NDUFB3: variants seen among roughly 807,000 people sequenced by gnomAD.
NDUFB3 encodes NADH dehydrogenase [ubiquinone] 1 beta subcomplex subunit 3.
A neutral mutation model predicts 9.0 loss-of-function variants in NDUFB3; 7 were observed. The ratio of observed to expected loss-of-function variants is 0.78; its 90% CI spans 0.44 to 1.46. The LOEUF is 1.46. Among genes scored for constraint, NDUFB3 ranks in the 40% most tolerant of loss-of-function variants. The pLI is 0.01. For synonymous variants in NDUFB3, 29 were observed against 38.5 expected (o/e 0.75, Z 0.91); for missense variants, 93 against 115.4 (o/e 0.81, Z 0.89).
intron 2 of NDUFB3, among the ~76,000 whole-genome samples, chr2:201,083,351 C>CTTTTTTTTTTTTTT (rs748310803): frequency 1.3e-4 from 16 of 119,956 alleles, no homozygotes; most frequent in Non-Finnish European, 1.9e-4. Context: ...TTTATTATTT[C>CTTTTTTTTTTTTTT]TTTTTTTTTT....
At chr2:201,075,917 T>C (rs1405900775) in intron 1 of NDUFB3, among the ~76,000 whole-genome samples, 1 of 152,210 alleles carries the variant, frequency 6.6e-6, no homozygotes, top group Non-Finnish European at 1.5e-5. Flanking sequence ...AAATAAGGGT[T>C]TGTCTTGTTT....
chr2:201,085,308 C>T, intron 2 of NDUFB3, 151 bp from the exon 3 acceptor site: 2 of 533,660 alleles, frequency 3.7e-6, no homozygotes, highest in East Asian at 3.0e-5. Context: ...CTTAATTATC[C>T]TATGCCACAG....
At chr2:201,084,749 C>G (rs2047270388) in intron 2 of NDUFB3, among the ~76,000 whole-genome samples, 1 of 152,180 alleles carries the variant, frequency 6.6e-6, no homozygotes. Flanking sequence ...ATTTAATTAG[C>G]TCTCGTATTT....
At chr2:201,081,281 C>T (rs919012932) in intron 2 of NDUFB3, among the ~76,000 whole-genome samples, 3 of 151,568 alleles carry the variant, frequency 2.0e-5, no homozygotes, top group Non-Finnish European at 2.9e-5. Context: ...GTCAGGTGTT[C>T]GAGACCAGCC....
At chr2:201,075,081 C>A (rs772131243) in intron 1 of NDUFB3, among the ~76,000 whole-genome samples, 1 of 150,280 alleles carries the variant, frequency 6.7e-6, no homozygotes, top group African/African-American at 2.5e-5. Flanking sequence ...TGCCATGGCT[C>A]ACGCCTGTAG....
At chr2:201,073,256 T>C (rs2047116144) in intron 1 of NDUFB3, among the ~76,000 whole-genome samples, 1 of 152,228 alleles carries the variant, frequency 6.6e-6, no homozygotes, top group Non-Finnish European at 1.5e-5. Context: ...TTTCAATCTA[T>C]ATAAATGGGT....
At chr2:201,084,364 G>A (rs2047265609) in intron 2 of NDUFB3, among the ~76,000 whole-genome samples, 1 of 152,124 alleles carries the variant, frequency 6.6e-6, no homozygotes, top group Non-Finnish European at 1.5e-5. Flanking sequence ...AGGAGGCTGA[G>A]GCAGAGAATT....
chr2:201,075,460 G>A (rs1049900405), intron 1 of NDUFB3, among the ~76,000 whole-genome samples: 2 of 151,288 alleles, frequency 1.3e-5, no homozygotes, highest in Admixed American at 1.3e-4. Context: ...CAGCTACTCG[G>A]GAGGCTGAGG....
chr2:201,082,555 G>A (rs1424343715), intron 2 of NDUFB3, among the ~76,000 whole-genome samples: 1 of 152,048 alleles, frequency 6.6e-6, no homozygotes, highest in Non-Finnish European at 1.5e-5. Flanking sequence ...CTGAGCTACA[G>A]CACCCAGCTT....
chr2:201,082,986 T>C (rs2047246314), intron 2 of NDUFB3, among the ~76,000 whole-genome samples: 2 of 152,172 alleles, frequency 1.3e-5, no homozygotes, highest in South Asian at 2.1e-4. Flanking sequence ...GTGCTGGGAT[T>C]ACAGGCGTGA....
Position 201,085,509 on chromosome 2 carries a change from C to G in NDUFB3, c.191C>G (p.Ser64Cys). ...MGGFAKSVSF[S>C]DVFFKGFKWG... ...GGCTTTGCAAAGAGTGTTTCCTTTT[C>G]TGATGTATTCTTTAAAGGATTCAAA... The change falls in exon 3 of 3, where the codon TCT becomes TGT. Residue 64 changes from serine (S) to cysteine (C), a missense_variant. Transcript: ENST00000237889. 6.2e-7 allele frequency: 1 copy of G among 1,608,390 alleles called. No homozygotes were observed. Among genetic ancestry groups the G allele is most frequent in the South Asian group, 1.1e-5 (1 of 90,504 alleles).
At chr2:201,081,794 G>A (rs1283737815) in intron 2 of NDUFB3, among the ~76,000 whole-genome samples, 2 of 149,014 alleles carry the variant, frequency 1.3e-5, no homozygotes, top group East Asian at 4.0e-4. Flanking sequence ...GATTACAGAC[G>A]TGCACCACCA....
chr2:201,075,975 A>G (rs1240408274), intron 1 of NDUFB3, among the ~76,000 whole-genome samples: 1 of 152,168 alleles, frequency 6.6e-6, no homozygotes, highest in South Asian at 2.1e-4. Context: ...TTTTTTGAAA[A>G]CATGGTATGC....
chr2:201,082,960 G>A (rs909855559), intron 2 of NDUFB3, among the ~76,000 whole-genome samples: 3 of 151,526 alleles, frequency 2.0e-5, no homozygotes, highest in African/African-American at 4.8e-5. Context: ...TGATCCACCC[G>A]CCTCGGCCTC....
intron 2 of NDUFB3, chr2:201,080,031 T>A (rs1269627791): frequency 2.0e-5 from 3 of 152,164 alleles, no homozygotes; most frequent in Non-Finnish European, 2.9e-5. Flanking sequence ...ATTTAGCAAT[T>A]TTTAAATTTT....
intron 1 of NDUFB3, among the ~76,000 whole-genome samples, chr2:201,077,409 G>A (rs2047175367): frequency 6.6e-6 from 1 of 151,992 alleles, no homozygotes; most frequent in South Asian, 2.1e-4. Flanking sequence ...TAAAACCAAA[G>A]TATTTATATA....
rs530268364 is a variant in NDUFB3 at position 201,076,098 on chromosome 2, C to T, written c.-2-2783C>T. Among the ~76,000 whole-genome samples, 3 of 152,208 alleles carry T rather than the reference C, an allele frequency of 2.0e-5. No individual in the cohort carries two copies. In the East Asian group the frequency reaches 5.8e-4, roughly 29 times the overall value. On this transcript the variant is annotated intron_variant, in intron 1 of 2. Coordinates refer to ENST00000237889, the MANE Select transcript of NDUFB3 (RefSeq NM_002491.3). ...GTCTGACACCATAATTTTTTTCCTTCATTTTATTGAATCTACCAAGTAATA... is the reference window on the plus strand; with the variant it reads ...GTCTGACACCATAATTTTTTTCCTTTATTTTATTGAATCTACCAAGTAATA...
At chr2:201,083,931 G>A (rs1452697819) in intron 2 of NDUFB3, among the ~76,000 whole-genome samples, 1 of 152,108 alleles carries the variant, frequency 6.6e-6, no homozygotes, top group South Asian at 2.1e-4. Context: ...CAAGGCAGGC[G>A]GATCACTTAA....
chr2:201,079,728 C>G (rs1053533905), intron 2 of NDUFB3: 6 of 152,202 alleles, frequency 3.9e-5, no homozygotes, highest in African/African-American at 1.4e-4. Flanking sequence ...CAGGCATGAG[C>G]CGCTACACCT....
Sources: gnomAD v4.1 joint callset for allele counts (sites outside exome capture counted in the v4.1 genomes callset) on GRCh38, gnomAD v4.1.1 for gene constraint, MANE v1.5 for transcripts, NCBI Gene and HGNC (gene_info 2026-07-23, HGNC 2026-07-21) for gene names.